NBEAL2: variants seen among roughly 807,000 people sequenced by gnomAD.
The protein encoded by NBEAL2 is neurobeachin-like protein 2.
Under a neutral mutation model 299.8 loss-of-function variants are expected in NBEAL2, and 160 were observed. The observed-to-expected ratio is 0.53, with a 90% CI of 0.47 to 0.61. The LOEUF is 0.61. Ranked by LOEUF, NBEAL2 falls within the 20% of genes least tolerant of loss-of-function variation. The pLI, the probability that NBEAL2 is intolerant of heterozygous loss-of-function variation, is 0.00. For synonymous variants in NBEAL2, 1,493 were observed against 1,542.3 expected (o/e 0.97, Z 0.75); for missense variants, 3,112 against 3,649.0 (o/e 0.85, Z 3.79).
At chr3:47,006,548 G>T (rs2037459201) in intron 45 of NBEAL2, 99 bp downstream of exon 45, 1 of 1,182,834 alleles carries the variant, frequency 8.5e-7, no homozygotes, top group East Asian at 2.6e-5. Context: ...CCTAATCAAG[G>T]TCACTGATTT....
Position 46,989,270 on chromosome 3 carries a change from G to A in NBEAL2, c.362G>A (p.Cys121Tyr), listed in dbSNP as rs1330728253. ...LTKLVAELKG[C>Y]PPPQGRGTQL... ...TCCCCACACCTACAGCTGAAAGGATGCCCACCACCCCAGGGCCGAGGCACG... is the reference window on the plus strand; with the variant it reads ...TCCCCACACCTACAGCTGAAAGGATACCCACCACCCCAGGGCCGAGGCACG... Residue 121 changes from cysteine (C) to tyrosine (Y), a missense_variant, in exon 5 of 54, where the codon TGC (cysteine) becomes TAC (tyrosine). Cys to Tyr is a radical substitution (Grantham distance 194). Coordinates refer to ENST00000450053, the MANE Select transcript of NBEAL2 (RefSeq NM_015175.3). The surrounding 1 kb of genome is among the most constrained non-coding windows in gnomAD (Gnocchi z 5.5). 3 of 1,611,560 alleles carry A rather than the reference G, an allele frequency of 1.9e-6. No homozygotes were observed. Among genetic ancestry groups the A allele is most frequent in the Admixed American group, 1.7e-5 (1 of 59,656 alleles).
At position 47,002,282 on chromosome 3, in the gene NBEAL2, C is replaced by A; in HGVS notation, c.5145C>A (p.Asp1715Glu). The A allele has an allele frequency of 1.3e-6, 2 of 1,573,024 alleles. No individual in the cohort carries two copies. The highest frequency in any genetic ancestry group is 8.6e-7 in the Non-Finnish European group (1 of 1,157,088). Residue 1715 changes from aspartate (D) to glutamate (E), a missense_variant, in exon 31 of 54, where the codon GAC becomes GAA. Transcript: ENST00000450053. ...CATPEWRHFI[D>E]KQVQPTMSQF... is the part of the protein sequence containing the mutation. ...CACCCGAATGGCGCCACTTCATCGA[C>A]AAACAGGTGCCTGGAGGTTGGGGCC... is the stretch of plus-strand genomic sequence containing the variant.
chr3:46,992,505 G>A lies in NBEAL2; in HGVS notation c.1063G>A (p.Gly355Arg). The change falls in exon 10 of 54, where the codon GGG (glycine) becomes AGG (arginine). Residue 355 changes from glycine to arginine, a missense_variant. Physicochemically the swap from Gly to Arg is moderately radical, Grantham distance 125 (BLOSUM62 -2). Coordinates refer to ENST00000450053, the MANE Select transcript of NBEAL2 (RefSeq NM_015175.3). ...LYLQSRAPPE[G>R]DSDLATRLLT... Reference sequence around the variant, plus strand: ...CCTGCAGTCCCGGGCGCCCCCCGAGGGGGACAGTGACCTGGCTACCCGGTT... The same window carrying A: ...CCTGCAGTCCCGGGCGCCCCCCGAGAGGGACAGTGACCTGGCTACCCGGTT... 1 of 1,606,718 alleles carries A rather than the reference G, an allele frequency of 6.2e-7. No individual in the cohort carries two copies. The highest frequency in any genetic ancestry group is 1.1e-5 in the South Asian group (1 of 89,456).
Position 46,985,998 on chromosome 3 carries a change from C to T in NBEAL2, c.52-2671C>T, listed in dbSNP as rs1233339177. Among the ~76,000 whole-genome samples, 7 of 152,330 alleles carry T rather than the reference C, an allele frequency of 4.6e-5. 1 individual carries two copies. The highest frequency in any genetic ancestry group is 7.2e-5 in the African/African-American group (3 of 41,576). Reference sequence around the variant, plus strand: ...GGCTCCCTGAGGGACTCCCGTACCCCGACACATTGCAGTCTCAAGCCATGG... The same window carrying T: ...GGCTCCCTGAGGGACTCCCGTACCCTGACACATTGCAGTCTCAAGCCATGG... On this transcript the variant is annotated intron_variant, in intron 1 of 53. Transcript: ENST00000450053.
In NBEAL2 at chr3:47,001,140, C is replaced by T; in HGVS notation, c.4445C>T (p.Ser1482Leu). The change falls in exon 28 of 54, where the codon TCA (serine) becomes TTA (leucine). Residue 1482 changes from serine to leucine, a missense_variant. This residue lies in a region of NBEAL2 where 2,243 missense variants were observed against 2,538.1 expected (regional missense o/e 0.88). Coordinates refer to ENST00000450053, the MANE Select transcript of NBEAL2 (RefSeq NM_015175.3). The surrounding 1 kb of genome is among the most constrained non-coding windows in gnomAD (Gnocchi z 6.1). ...TCAGTGCTCACCCAGCTGGGGGCCTCAGCCACACTTGTGCGCCCACCAGAC... is the reference window on the plus strand; with the variant it reads ...TCAGTGCTCACCCAGCTGGGGGCCTTAGCCACACTTGTGCGCCCACCAGAC... Reference protein sequence around the residue: ...VFSVLTQLGASATLVRPPDCI... With the variant: ...VFSVLTQLGALATLVRPPDCI... 6.2e-7 allele frequency: 1 copy of T among 1,612,686 alleles called. No individual in the cohort carries two copies. The highest frequency in any genetic ancestry group is 8.5e-7 in the Non-Finnish European group (1 of 1,179,552).
chr3:46,995,491 A>G lies in NBEAL2; in HGVS notation c.1756A>G (p.Ser586Gly). The change falls in exon 13 of 54, where the codon AGC becomes GGC. Residue 586 changes from serine (S) to glycine (G), a missense_variant. Ser to Gly is a moderately conservative substitution (Grantham distance 56). Coordinates refer to ENST00000450053, the MANE Select transcript of NBEAL2 (RefSeq NM_015175.3). The stretch of plus-strand genomic sequence containing the variant: ...TCTGCGCTACTTTGACCTCACGCCC[A>G]GCATGGCGGGCATCATGGTACCCCC... ...RALRYFDLTP[S>G]MAGIMVPPVQ... 1 of 1,612,902 alleles carries G rather than the reference A, an allele frequency of 6.2e-7. No homozygotes were observed. The highest frequency in any genetic ancestry group is 1.1e-5 in the South Asian group (1 of 91,092).
At chr3:46,999,260 C>T in intron 24 of NBEAL2, 55 bp from the exon 25 acceptor site, 2 of 1,565,224 alleles carry the variant, frequency 1.3e-6, no homozygotes, top group Non-Finnish European at 1.7e-6. Context: ...GGTGACTTCC[C>T]CTCCTACAGT....
rs552836404 is a variant in NBEAL2 at position 46,992,399 on chromosome 3, C to T, written c.1033-76C>T. 5.8e-6 allele frequency: 8 copies of T among 1,387,798 alleles called. 1 individual carries two copies. The highest frequency in any genetic ancestry group is 5.7e-5 in the African/African-American group (4 of 69,840). 86.0% of individuals were successfully genotyped at this position (1,387,798 alleles called of 1,614,324 possible). A position where few individuals can be genotyped will look rare whatever the true frequency, so the allele number is the denominator to read the frequency against. On this transcript the variant is annotated intron_variant, in intron 9 of 53. Coordinates refer to ENST00000450053, the MANE Select transcript of NBEAL2 (RefSeq NM_015175.3). ...CACCTGGCAGCTGCCCCTGGTCCTG[C>T]TCTAACCCCACCCTCTCCCATCTTC...
chr3:46,981,444 A>C (rs2035330313), intron 1 of NBEAL2, among the ~76,000 whole-genome samples: 1 of 151,876 alleles, frequency 6.6e-6, no homozygotes, highest in African/African-American at 2.4e-5. Context: ...CCGTCTCAAA[A>C]AAATAAAATA....
rs969679504 is a variant in NBEAL2, at chr3:47,001,174, G to T, written c.4479G>T (p.Lys1493Asn). 6.2e-7 allele frequency: 1 copy of T among 1,610,446 alleles called. No homozygotes were observed. Among genetic ancestry groups the T allele is most frequent in the Admixed American group, 1.7e-5 (1 of 59,870 alleles). The part of the protein sequence containing the change: ...ATLVRPPDCI[K>N]RSLLEMMLES... ...TTGTGCGCCCACCAGACTGCATCAA[G>T]CGCAGGTGAGAGGGAAAGTCTGGAG... Residue 1493 changes from lysine (K) to asparagine (N), a missense_variant, in exon 28 of 54, where the codon AAG (lysine) becomes AAT (asparagine). Physicochemically the swap from Lys to Asn is moderately conservative, Grantham distance 94. Transcript: ENST00000450053. This position sits in a 1 kb window ranked among gnomAD's most constrained non-coding sequence, Gnocchi z 6.1.
rs747891206 is a variant in NBEAL2, at chr3:47,008,367, A to C, written c.7804A>C (p.Ile2602Leu). 4 of 1,613,584 alleles carry C rather than the reference A, an allele frequency of 2.5e-6. No individual in the cohort carries two copies. The highest frequency in any genetic ancestry group is 2.7e-5 in the African/African-American group (2 of 74,892). ...RPLGATFPGPIFHLALGSEGQ... is the reference protein window; with the variant it reads ...RPLGATFPGPLFHLALGSEGQ... ...TCTGGGTGCCACATTCCCTGGACCT[A>C]TTTTCCACCTGGCATTGGGGTCCGA... The change falls in exon 51 of 54, where the codon ATT becomes CTT. Residue 2602 changes from isoleucine to leucine, a missense_variant. Ile to Leu is a conservative substitution (Grantham distance 5). This residue lies in a region of NBEAL2 where 348 missense variants were observed against 381.4 expected (regional missense o/e 0.91). Coordinates refer to ENST00000450053, the MANE Select transcript of NBEAL2 (RefSeq NM_015175.3).
chr3:46,980,075 C>T (rs888512418), intron 1 of NBEAL2, among the ~76,000 whole-genome samples, 163 bp downstream of exon 1: 2 of 151,890 alleles, frequency 1.3e-5, no homozygotes, highest in African/African-American at 2.4e-5. Flanking sequence ...CACGTGTGTG[C>T]CCCCAGCCCG....
In NBEAL2 at chr3:47,005,722, C is replaced by G. The variant is rs777473976; in HGVS notation, c.6692-16C>G. 1 of 1,613,024 alleles carries G rather than the reference C, an allele frequency of 6.2e-7. No individual in the cohort carries two copies. The highest frequency in any genetic ancestry group is 1.1e-5 in the South Asian group (1 of 91,068). ...GGGATGGACAGGGAGACAGCTGACC[C>G]AGTCCTCTGTGCCAGGTTTTGACCT... is the stretch of plus-strand genomic sequence containing the variant. On this transcript the variant is annotated splice_polypyrimidine_tract_variant and intron_variant, in intron 41 of 53. Coordinates refer to ENST00000450053, the MANE Select transcript of NBEAL2 (RefSeq NM_015175.3).
In NBEAL2 at chr3:46,991,246, C is replaced by G; in HGVS notation, c.584C>G (p.Pro195Arg). ...QESLQNADHL[P>R]PILLLRLIHL... ...AGCCTACAGAATGCAGACCACTTGC[C>G]TCCCATACTGCTGTTACGTCTCATC... The change falls in exon 7 of 54, where the codon CCT (proline) becomes CGT (arginine). Residue 195 changes from proline to arginine, a missense_variant. This residue lies in a region of NBEAL2 where 2,243 missense variants were observed against 2,538.1 expected (regional missense o/e 0.88). Transcript: ENST00000450053. This position sits in a 1 kb window ranked among gnomAD's most constrained non-coding sequence, Gnocchi z 6.2. 2 of 1,608,422 alleles carry G rather than the reference C, an allele frequency of 1.2e-6. No homozygotes were observed. Among genetic ancestry groups the G allele is most frequent in the African/African-American group, 1.3e-5 (1 of 74,868 alleles).
chr3:46,994,693 T>C, intron 12 of NBEAL2, 140 bp downstream of exon 12: 1 of 773,288 alleles, frequency 1.3e-6, no homozygotes, highest in South Asian at 1.8e-5. Context: ...TGGCCATGTC[T>C]GTTAGTGTCA....
chr3:47,005,621 T>G lies in NBEAL2; in HGVS notation c.6691+2T>G. ...CTGACTTCCTGGAGAACCAGAACGG[T>G]AGGTGTGAGGTGCTCACACTGGAGC... On this transcript the variant is annotated splice_donor_variant, in intron 41 of 53. Coordinates refer to ENST00000450053, the MANE Select transcript of NBEAL2 (RefSeq NM_015175.3). LOFTEE classifies it high-confidence loss of function. The G allele has an allele frequency of 6.2e-7, 1 of 1,613,612 alleles. No individual in the cohort carries two copies. Among genetic ancestry groups the G allele is most frequent in the Non-Finnish European group, 8.5e-7 (1 of 1,179,788 alleles).
Position 47,005,339 on chromosome 3 carries a change from G to A in NBEAL2, c.6560+18G>A. The A allele has an allele frequency of 6.2e-7, 1 of 1,607,034 alleles. No homozygotes were observed. The highest frequency in any genetic ancestry group is 8.5e-7 in the Non-Finnish European group (1 of 1,177,204). ...AGTGGCCGGTGCGGCCCAGGGGCTGGTGGGCAGACTAGGGGGCAGATAAGG... is the reference window on the plus strand; with the variant it reads ...AGTGGCCGGTGCGGCCCAGGGGCTGATGGGCAGACTAGGGGGCAGATAAGG... On this transcript the variant is annotated intron_variant, in intron 40 of 53. Transcript: ENST00000450053.
intron 11 of NBEAL2, 27 bp from the exon 12 acceptor site, chr3:46,994,428 A>T: frequency 6.4e-7 from 1 of 1,556,416 alleles, no homozygotes; most frequent in Non-Finnish European, 8.7e-7. Context: ...GTATGTGTTC[A>T]CTTCTTCCCC....
At position 46,996,977 on chromosome 3, in the gene NBEAL2, G is replaced by A. The variant is rs200501523; in HGVS notation, c.2580G>A (p.Leu860=). The A allele has an allele frequency of 2.9e-5, 47 of 1,613,360 alleles. No homozygotes were observed. The East Asian group carries it at 1.0e-3, about 36-fold the overall frequency. Residue 860 remains leucine, a synonymous_variant, in exon 18 of 54, where the codon CTG becomes CTA. Coordinates refer to ENST00000450053, the MANE Select transcript of NBEAL2 (RefSeq NM_015175.3). ...SPQACKNNIC[L]DLSPSHGLDG... is the part of the protein sequence containing the mutation. ...AGGCTTGTAAGAACAACATCTGCCT[G>A]GACCTGTCCCCCAGTCATGGGCTTG...
Sources: allele counts gnomAD v4.1 joint callset (sites outside exome capture counted in the v4.1 genomes callset), GRCh38; gene constraint gnomAD v4.1.1; regional missense constraint gnomAD v4.1.1; non-coding constraint Gnocchi (gnomAD v3.1); transcripts MANE v1.5; gene names NCBI Gene and HGNC (gene_info 2026-07-23, HGNC 2026-07-21).